Variants in PRKCH observed in about 807,000 individuals in gnomAD.
The protein encoded by PRKCH is protein kinase C eta.
In PRKCH, 28 loss-of-function variants were observed where a neutral mutation model predicts 82.5. That is an observed-to-expected ratio of 0.34 (90% CI 0.25 to 0.47). PRKCH has a LOEUF of 0.47. PRKCH is among the 20% of genes least tolerant of loss of function. PRKCH has a pLI of 1.00. For synonymous variants in PRKCH, 322 were observed against 327.4 expected, an observed-to-expected ratio of 0.98 and a Z score of 0.18; for missense variants, 705 against 881.8, an observed-to-expected ratio of 0.80 and a Z score of 2.54.
At position 61,399,222 on chromosome 14, in the gene PRKCH, T is replaced by C. The variant is rs1881463825; in HGVS notation, c.427+7934T>C. Among the ~76,000 whole-genome samples the C allele has an allele frequency of 2.6e-5, 4 of 152,220 alleles. No homozygotes were observed. The South Asian group carries it at 8.3e-4, about 31-fold the overall frequency. ...TGTTGCATGTGGTTTATTATAGTAT[T>C]CTACTTTTGCATGTATTTGAAATTT... is the stretch of plus-strand genomic sequence containing the variant. On this transcript the variant is annotated intron_variant, in intron 2 of 13. Coordinates refer to ENST00000332981, the MANE Select transcript of PRKCH (RefSeq NM_006255.5).
intron 1 of PRKCH, among the ~76,000 whole-genome samples, chr14:61,246,086 T>G (rs570402706): frequency 6.6e-6 from 1 of 152,100 alleles, no homozygotes; most frequent in East Asian, 1.9e-4. Flanking sequence ...TCCAATGCAG[T>G]GTCCACTTGC....
intron 2 of PRKCH, among the ~76,000 whole-genome samples, chr14:61,396,480 A>G (rs548733591): frequency 2.0e-5 from 3 of 152,338 alleles, no homozygotes; most frequent in African/African-American, 7.2e-5. Flanking sequence ...TGAACGAGAC[A>G]TAGACACTCT....
chr14:61,320,662 T>C (rs1377162255), upstream of PRKCH, among the ~76,000 whole-genome samples: 1 of 152,212 alleles, frequency 6.6e-6, no homozygotes, highest in Non-Finnish European at 1.5e-5. Flanking sequence ...AAATTGGTTG[T>C]GGCTGGCCCT....
intron 1 of PRKCH, among the ~76,000 whole-genome samples, chr14:61,215,875 TG>T (rs2044612503): frequency 6.6e-6 from 1 of 152,228 alleles, no homozygotes; most frequent in African/African-American, 2.4e-5. Flanking sequence ...TATCCAATTT[TG>T]TGTAATATAG....
At chr14:61,315,121 G>T (rs2045551501) in intron 1 of PRKCH, among the ~76,000 whole-genome samples, 2 of 152,178 alleles carry the variant, frequency 1.3e-5, no homozygotes, top group South Asian at 4.1e-4. Flanking sequence ...GAGGAGGACA[G>T]TATGGCCCCA....
intron 1 of PRKCH, among the ~76,000 whole-genome samples, chr14:61,244,051 T>C (rs1054428704): frequency 9.2e-5 from 14 of 151,984 alleles, no homozygotes; most frequent in African/African-American, 3.4e-4. Context: ...CATCATCAGT[T>C]TGGGGCAACG....
At position 61,269,157 on chromosome 14, in the gene PRKCH, CTAACA is replaced by C. The variant is rs2045129445; in HGVS notation, c.-19+81492_-19+81496del. Reference sequence around the variant, plus strand: ...TTTTCTTTATGACATAGTTGTAAAACTAACATATTTGTGAAAAAGTTTTTTTAGAG... The same window carrying C: ...TTTTCTTTATGACATAGTTGTAAAACTATTTGTGAAAAAGTTTTTTTAGAG... On this transcript the variant is annotated intron_variant, in intron 1 of 3. Coordinates refer to the PRKCH transcript ENST00000555185. Among the ~76,000 whole-genome samples the C allele has an allele frequency of 2.0e-5, 3 of 152,022 alleles. No homozygotes were observed. In the South Asian group the frequency reaches 6.2e-4, roughly 32 times the overall value.
At chr14:61,356,306 A>G (rs1474741851) in intron 1 of PRKCH, among the ~76,000 whole-genome samples, 1 of 152,118 alleles carries the variant, frequency 6.6e-6, no homozygotes, top group Non-Finnish European at 1.5e-5. Context: ...GTTGCCAAGG[A>G]GGGGAGCTTG....
chr14:61,310,548 G>A (rs2045514903), intron 1 of PRKCH, among the ~76,000 whole-genome samples: 1 of 152,230 alleles, frequency 6.6e-6, no homozygotes, highest in Admixed American at 6.5e-5. Context: ...CCACCCCTGT[G>A]GGTCTTCAAG....
At chr14:61,414,044 C>T (rs1181986469) in intron 2 of PRKCH, among the ~76,000 whole-genome samples, 3 of 152,118 alleles carry the variant, frequency 2.0e-5, no homozygotes, top group Non-Finnish European at 4.4e-5. Context: ...CTTCCTTTCT[C>T]GTATCTTTGG....
At chr14:61,436,077 A>G (rs1420860684) in intron 2 of PRKCH, among the ~76,000 whole-genome samples, 1 of 152,164 alleles carries the variant, frequency 6.6e-6, no homozygotes, top group African/African-American at 2.4e-5. Context: ...TGATGTGGCA[A>G]GAGGCTTTTC....
chr14:61,324,255 G>T (rs1359834488), intron 1 of PRKCH, among the ~76,000 whole-genome samples: 1 of 152,170 alleles, frequency 6.6e-6, no homozygotes, highest in Non-Finnish European at 1.5e-5. Flanking sequence ...GCTGCTTATT[G>T]TTCCACTGGA....
chr14:61,441,409 A>T (rs1362739450), intron 2 of PRKCH, among the ~76,000 whole-genome samples: 1 of 152,114 alleles, frequency 6.6e-6, no homozygotes, highest in African/African-American at 2.4e-5. Context: ...CAGGATGGGG[A>T]TGCCTGTTTC....
intron 1 of PRKCH, among the ~76,000 whole-genome samples, chr14:61,196,024 AG>A (rs1003919316): frequency 3.3e-5 from 5 of 152,218 alleles, no homozygotes; most frequent in Non-Finnish European, 5.9e-5. Context: ...GAAGTAGAAG[AG>A]GCAGTAAGAA....
intron 10 of PRKCH, among the ~76,000 whole-genome samples, chr14:61,493,590 A>G (rs894635201): frequency 6.6e-6 from 1 of 152,222 alleles, no homozygotes; most frequent in South Asian, 2.1e-4. Flanking sequence ...TCATTATTTG[A>G]TAGAAAACTT....
At position 61,471,835 on chromosome 14, in the gene PRKCH, G is replaced by A. The variant is rs193150052; in HGVS notation, c.1279-13667G>A. ...ATCGCCAGACATTGGTTCCCAGGGG[G>A]GAAGAATCTCCCCTGGCTCCCTTAC... On this transcript the variant is annotated intron_variant, in intron 9 of 13. Coordinates refer to ENST00000332981, the MANE Select transcript of PRKCH (RefSeq NM_006255.5). Among the ~76,000 whole-genome samples, 274 of 152,192 alleles carry A rather than the reference G, an allele frequency of 1.8e-3. 1 individual carries two copies. Among genetic ancestry groups the A allele is most frequent in the African/African-American group, 6.2e-3 (259 of 41,526 alleles).
intron 1 of PRKCH, among the ~76,000 whole-genome samples, chr14:61,194,442 G>A (rs1194664847): frequency 6.6e-6 from 1 of 152,198 alleles, no homozygotes; most frequent in Admixed American, 6.5e-5. Context: ...GACCCCTGGA[G>A]AGATCCTGCA....
Position 61,264,489 on chromosome 14 carries a change from T to C in PRKCH, c.-19+76821T>C, listed in dbSNP as rs149866563. 4.2e-3 allele frequency among the ~76,000 whole-genome samples: 633 copies of C among 152,326 alleles called. 5 individuals carry two copies. The highest frequency in any genetic ancestry group is 0.014 in the African/African-American group (589 of 41,572). On this transcript the variant is annotated intron_variant, in intron 1 of 3. Transcript: ENST00000555185. ...CAGCAATTTCTCATTCACTGCTGCT[T>C]TTTGATTGTTGAATTGTGCCTAGGG...
At chr14:61,404,807 T>G (rs894246797) in intron 2 of PRKCH, among the ~76,000 whole-genome samples, 1 of 152,156 alleles carries the variant, frequency 6.6e-6, no homozygotes, top group Non-Finnish European at 1.5e-5. Context: ...ACCTTGAGTC[T>G]GTCTATTGGG....
Sources: gnomAD v4.1 joint callset for allele counts (sites outside exome capture counted in the v4.1 genomes callset) on GRCh38, gnomAD v4.1.1 for gene constraint, MANE v1.5 for transcripts, NCBI Gene and HGNC (gene_info 2026-07-23, HGNC 2026-07-21) for gene names.